The following RGS12 variants were observed in gnomAD, a reference collection of about 807,000 sequenced individuals.
RGS12 encodes regulator of G protein signaling 12, also known as regulator of G-protein signaling 12.
A neutral mutation model predicts 120.1 loss-of-function variants in RGS12; 66 were observed. The observed-to-expected ratio is 0.55, with a 90% confidence interval of 0.45 to 0.67. The LOEUF (loss-of-function observed/expected upper bound fraction) is 0.67, where lower values mean the gene tolerates loss of function less well. Ranked by LOEUF, RGS12 falls within the 30% of genes least tolerant of loss-of-function variation. RGS12 has a pLI of 0.00. For missense variants in RGS12, 1,859 were observed against 1,957.7 expected, an observed-to-expected ratio of 0.95 and a Z score of 0.95; for synonymous variants, 827 against 804.7, an observed-to-expected ratio of 1.03 and a Z score of -0.47.
At chr4:3,432,719 G>A (rs1049972890) in intron 17 of RGS12, among the ~76,000 whole-genome samples, 7 of 152,220 alleles carry the variant, frequency 4.6e-5, no homozygotes, top group African/African-American at 1.4e-4. Flanking sequence ...TGGCTGCCCC[G>A]ACTGCCACTG....
Position 3,422,584 on chromosome 4 carries a change from C to A in RGS12, c.3033+14C>A. The A allele has an allele frequency of 6.2e-7, 1 of 1,606,558 alleles. No individual in the cohort carries two copies. The highest frequency in any genetic ancestry group is 8.5e-7 in the Non-Finnish European group (1 of 1,177,602). On this transcript the variant is annotated intron_variant, in intron 11 of 17. Transcript: ENST00000336727. ...GGCGGGGACAAGGTACTGGGCCCGC[C>A]TGACCCTCGTGCTGCCCTCAGGCCA...
intron 11 of RGS12, 60 bp downstream of exon 11, chr4:3,422,630 C>G: frequency 6.5e-7 from 1 of 1,540,364 alleles, no homozygotes; most frequent in Non-Finnish European, 8.8e-7. Context: ...GCTCCCTGGC[C>G]CCCAGCTTTG....
chr4:3,344,112 C>T (rs1713555356), intron 3 of RGS12, among the ~76,000 whole-genome samples: 1 of 152,120 alleles, frequency 6.6e-6, no homozygotes, highest in African/African-American at 2.4e-5. Context: ...AGCGGTGTGG[C>T]CAGACTCCGT....
rs200019854 is a variant in RGS12, at chr4:3,434,518, G to C, written c.4114+3563G>C. 1.1e-4 allele frequency among the ~76,000 whole-genome samples: 17 copies of C among 152,248 alleles called. No individual in the cohort carries two copies. In the East Asian group the frequency reaches 3.1e-3, roughly 28 times the overall value. On this transcript the variant is annotated intron_variant, in intron 17 of 17. Transcript: ENST00000336727. ...TGTGCATATCTGTGTCTCGACACAGGGACCCTCCAAAATGCTCACCTTCTG... is the reference window on the plus strand; with the variant it reads ...TGTGCATATCTGTGTCTCGACACAGCGACCCTCCAAAATGCTCACCTTCTG...
intron 3 of RGS12, among the ~76,000 whole-genome samples, chr4:3,348,733 A>C (rs998148101): frequency 3.9e-5 from 6 of 152,202 alleles, no homozygotes; most frequent in African/African-American, 1.4e-4. Flanking sequence ...CTGGAGAAAA[A>C]AGTTCCAGGA....
intron 6 of RGS12, among the ~76,000 whole-genome samples, chr4:3,415,497 G>A (rs924182674): frequency 4.9e-4 from 75 of 152,300 alleles, no homozygotes; most frequent in African/African-American, 1.7e-3. Flanking sequence ...AGGGCATCCC[G>A]GGCCGTGCTT....
At chr4:3,379,952 C>T (rs1049966799) in intron 3 of RGS12, among the ~76,000 whole-genome samples, 1 of 152,218 alleles carries the variant, frequency 6.6e-6, no homozygotes, top group African/African-American at 2.4e-5. Flanking sequence ...TCCAACAGTT[C>T]CCCCAAAGTC....
chr4:3,317,718 G>A lies in RGS12; in HGVS notation c.1548G>A (p.Arg516=), dbSNP rs145086779. The A allele has an allele frequency of 6.2e-7, 1 of 1,613,294 alleles. No homozygotes were observed. The highest frequency in any genetic ancestry group is 8.5e-7 in the Non-Finnish European group (1 of 1,179,932). The change falls in exon 2 of 18, where the codon AGG becomes AGA. Residue 516 remains arginine, a synonymous_variant. Transcript: ENST00000336727. The part of the protein sequence containing the change: ...SPVEVPPASL[R]SSVPPSKRGT... ...TGGAGGTGCCCCCAGCTTCCTTGAG[G>A]AGCTCAGTCCCCCCTTCCAAGAGGG...
At chr4:3,352,765 A>G (rs543897327) in intron 3 of RGS12, among the ~76,000 whole-genome samples, 1 of 152,264 alleles carries the variant, frequency 6.6e-6, no homozygotes, top group African/African-American at 2.4e-5. Flanking sequence ...GCAAGGTTGT[A>G]GTTTTCCAGT....
At position 3,308,291 on chromosome 4, in the gene RGS12, C is replaced by T. The variant is rs530791452; in HGVS notation, c.-101-7779C>T. Among the ~76,000 whole-genome samples the T allele has an allele frequency of 4.8e-3, 731 of 152,368 alleles. 1 individual carries two copies. The highest frequency in any genetic ancestry group is 9.0e-3 in the Non-Finnish European group (613 of 68,042). On this transcript the variant is annotated intron_variant, in intron 1 of 17. Transcript: ENST00000336727. ...GAAACACATGTGACGATCTCAACAG[C>T]CGGCGTTAGTAAGAGGCTGTGTCCT...
At chr4:3,368,946 G>A (rs1024133687) in intron 3 of RGS12, among the ~76,000 whole-genome samples, 3 of 152,156 alleles carry the variant, frequency 2.0e-5, no homozygotes, top group African/African-American at 7.2e-5. Flanking sequence ...CAGGGGAAGT[G>A]GGTGGGGCCA....
intron 1 of RGS12, among the ~76,000 whole-genome samples, chr4:3,297,719 C>A (rs1723459712): frequency 6.6e-6 from 1 of 152,184 alleles, no homozygotes; most frequent in South Asian, 2.1e-4. Flanking sequence ...GGGATTGGAG[C>A]CTTCTCCCTG....
chr4:3,376,145 A>G (rs1004468329), intron 3 of RGS12, among the ~76,000 whole-genome samples: 1 of 152,240 alleles, frequency 6.6e-6, no homozygotes. Context: ...CGCCAAGGAT[A>G]TGAAATGAAT....
intron 4 of RGS12, among the ~76,000 whole-genome samples, chr4:3,403,976 G>A (rs930501608): frequency 6.6e-6 from 1 of 152,178 alleles, no homozygotes; most frequent in Non-Finnish European, 1.5e-5. Flanking sequence ...GTAAGGAGGG[G>A]GCTATGGGCT....
intron 4 of RGS12, among the ~76,000 whole-genome samples, chr4:3,408,593 C>T (rs1721404517): frequency 1.3e-5 from 2 of 152,250 alleles, no homozygotes; most frequent in Non-Finnish European, 2.9e-5. Context: ...GGAGATTCCA[C>T]TGTCCTTTGC....
At chr4:3,383,246 C>G (rs146411373) in intron 3 of RGS12, among the ~76,000 whole-genome samples, 70 of 152,188 alleles carry the variant, frequency 4.6e-4, no homozygotes, top group African/African-American at 1.4e-3. Context: ...ACTGCTTCCC[C>G]CTCTGTTCCT....
chr4:3,404,431 G>A (rs1396199842), intron 4 of RGS12, among the ~76,000 whole-genome samples: 2 of 152,222 alleles, frequency 1.3e-5, no homozygotes, highest in African/African-American at 4.8e-5. Flanking sequence ...AACAGTAGGT[G>A]GTAGGATTTT....
chr4:3,361,569 A>G (rs1715565945), intron 3 of RGS12, among the ~76,000 whole-genome samples: 1 of 152,134 alleles, frequency 6.6e-6, no homozygotes, highest in African/African-American at 2.4e-5. Flanking sequence ...CTGGCCTGTG[A>G]GCCGGGTGGG....
Position 3,362,909 on chromosome 4 carries a change from G to C in RGS12, c.1998+19856G>C, listed in dbSNP as rs572174540. On this transcript the variant is annotated intron_variant, in intron 3 of 17. Transcript: ENST00000336727. ...AGCATGTGTGCATCAGTGTGAGTGT[G>C]CATGGCAAGGCCATTTGGAACGCGA... is the stretch of plus-strand genomic sequence containing the variant. Among the ~76,000 whole-genome samples, 7 of 151,256 alleles carry C rather than the reference G, an allele frequency of 4.6e-5. No homozygotes were observed. The East Asian group carries it at 1.4e-3, about 30-fold the overall frequency.
Sources: gnomAD v4.1 joint callset for allele counts (sites outside exome capture counted in the v4.1 genomes callset) on GRCh38, gnomAD v4.1.1 for gene constraint, MANE v1.5 for transcripts, NCBI Gene and HGNC (gene_info 2026-07-23, HGNC 2026-07-21) for gene names.